The following CEP295 variants were observed in gnomAD, a reference collection of about 807,000 sequenced individuals.
CEP295 encodes the protein centrosomal protein 295.
Under a neutral mutation model 291.6 loss-of-function variants are expected in CEP295, and 190 were observed. The ratio of observed to expected loss-of-function variants is 0.65; its 90% CI spans 0.58 to 0.73. CEP295 has a LOEUF of 0.73. Among genes scored for constraint, CEP295 ranks in the 30% least tolerant of loss-of-function variants. CEP295 has a pLI of 0.00. For synonymous variants in CEP295, 993 were observed against 1,038.8 expected, an observed-to-expected ratio of 0.96 and a Z score of 0.85; for missense variants, 2,863 against 2,949.4, an observed-to-expected ratio of 0.97 and a Z score of 0.68.
At chr11:93,665,688 A>G (rs1950176871) in intron 1 of CEP295, among the ~76,000 whole-genome samples, 1 of 152,238 alleles carries the variant, frequency 6.6e-6, no homozygotes, top group Non-Finnish European at 1.5e-5. Flanking sequence ...AACCTGGGCG[A>G]CAGAACGAGA....
chr11:93,727,232 T>C lies in CEP295; in HGVS notation c.6756T>C (p.Asn2252=), dbSNP rs1197697631. The C allele has an allele frequency of 1.9e-6, 3 of 1,551,620 alleles. No homozygotes were observed. The highest frequency in any genetic ancestry group is 2.4e-5 in the East Asian group (1 of 40,922). ...SDEANVFDQL[N]VQHSTPCGSN... The stretch of plus-strand genomic sequence containing the variant: ...AAGCTAATGTATTTGATCAGTTAAA[T>C]GTACAGCATAGCACTCCATGTGGTT... The change falls in exon 24 of 30, where the codon AAT becomes AAC. Residue 2252 remains asparagine, a synonymous_variant. Coordinates refer to ENST00000325212, the MANE Select transcript of CEP295 (RefSeq NM_033395.2).
intron 18 of CEP295, among the ~76,000 whole-genome samples, chr11:93,716,016 T>C (rs890667672): frequency 6.6e-6 from 1 of 152,056 alleles, no homozygotes; most frequent in Non-Finnish European, 1.5e-5. Context: ...ATGTGACCCC[T>C]CCAAGTCTAC....
chr11:93,665,199 A>G (rs1170494191), intron 1 of CEP295, among the ~76,000 whole-genome samples: 1 of 152,252 alleles, frequency 6.6e-6, no homozygotes, highest in African/African-American at 2.4e-5. Flanking sequence ...ATTGTCTCAG[A>G]TAAAATGCTC....
rs1694653010 is a variant in CEP295 at position 93,697,016 on chromosome 11, C to T, written c.2104C>T (p.Gln702Ter). ...ACGCGCTTCAGATATTTTAACCAATCAAGCTTTAGAATCACAAGAACATCT... is the reference window on the plus strand; with the variant it reads ...ACGCGCTTCAGATATTTTAACCAATTAAGCTTTAGAATCACAAGAACATCT... ...TLRASDILTN[Q>*]ALESQEHLRQ... The change falls in exon 15 of 30, where the codon CAA (glutamine) becomes TAA (stop). Residue 702 changes from glutamine to a stop codon, truncating the protein, a stop_gained. Coordinates refer to ENST00000325212, the MANE Select transcript of CEP295 (RefSeq NM_033395.2). LOFTEE classifies it high-confidence loss of function. The T allele has an allele frequency of 1.9e-6, 3 of 1,551,426 alleles. No individual in the cohort carries two copies. The highest frequency in any genetic ancestry group is 2.6e-6 in the Non-Finnish European group (3 of 1,146,954).
In CEP295 at chr11:93,718,181, G is replaced by A. The variant is rs151222455; in HGVS notation, c.5750-3131G>A. Among the ~76,000 whole-genome samples the A allele has an allele frequency of 3.2e-3, 483 of 152,328 alleles. 11 individuals carry two copies. In the East Asian group the frequency reaches 0.052, roughly 17 times the overall value. On this transcript the variant is annotated intron_variant, in intron 18 of 29. Transcript: ENST00000325212. Reference sequence around the variant, plus strand: ...TCACCTTGGCCTCCCAAAGTGTTGGGATTATAGGCGTGAGCCACCACGCCT... The same window carrying A: ...TCACCTTGGCCTCCCAAAGTGTTGGAATTATAGGCGTGAGCCACCACGCCT...
Position 93,728,687 on chromosome 11 carries a change from GA to G in CEP295, c.7171del (p.Thr2391LeufsTer5). On this transcript the variant is annotated frameshift_variant, in exon 25 of 30. Coordinates refer to ENST00000325212, the MANE Select transcript of CEP295 (RefSeq NM_033395.2). LOFTEE classifies it high-confidence loss of function. ...LQSSIPVWETETGHGIMEEPE... is the reference protein window; with the variant it reads ...LQSSIPVWETXTGHGIMEEPE... ...TTTTAATTGTGGTTCACAGGAAACA[GA>G]AACTGGCCATGGTATAATGGAAGAA... 6.5e-7 allele frequency: 1 copy of G among 1,532,478 alleles called. No individual in the cohort carries two copies. Among genetic ancestry groups the G allele is most frequent in the Non-Finnish European group, 8.8e-7 (1 of 1,141,490 alleles). 94.9% of individuals were successfully genotyped at this position (1,532,478 alleles called of 1,614,324 possible). A position where few individuals can be genotyped will look rare whatever the true frequency, so the allele number is the denominator to read the frequency against.
chr11:93,692,636 T>C (rs950605822), intron 12 of CEP295, among the ~76,000 whole-genome samples: 1 of 152,026 alleles, frequency 6.6e-6, no homozygotes, highest in Admixed American at 6.6e-5. Flanking sequence ...TTTTTTTTTT[T>C]CCTAGTAGAG....
chr11:93,717,473 G>C (rs1953353290), intron 18 of CEP295, among the ~76,000 whole-genome samples: 1 of 152,152 alleles, frequency 6.6e-6, no homozygotes, highest in South Asian at 2.1e-4. Context: ...CTTGTTTTAG[G>C]GGATTGGGAG....
At chr11:93,729,401 A>T in intron 25 of CEP295, 33 bp from the exon 26 acceptor site, 1 of 1,447,894 alleles carries the variant, frequency 6.9e-7, no homozygotes, top group Non-Finnish European at 9.5e-7. Flanking sequence ...AAGCGTTTAA[A>T]AAGAGTAAAA....
At chr11:93,671,807 A>G (rs1950463198) in intron 5 of CEP295, among the ~76,000 whole-genome samples, 1 of 152,152 alleles carries the variant, frequency 6.6e-6, no homozygotes, top group Non-Finnish European at 1.5e-5. Flanking sequence ...CATACACAGG[A>G]TATAGATGCA....
At chr11:93,679,078 G>C (rs1372739845) in intron 6 of CEP295, among the ~76,000 whole-genome samples, 2 of 152,040 alleles carry the variant, frequency 1.3e-5, no homozygotes, top group African/African-American at 4.8e-5. Flanking sequence ...GCTGACCTCA[G>C]GTGATCCACC....
intron 22 of CEP295, among the ~76,000 whole-genome samples, chr11:93,725,376 A>G (rs1954065843): frequency 6.6e-6 from 1 of 152,248 alleles, no homozygotes; most frequent in African/African-American, 2.4e-5. Context: ...TAAACAGTAA[A>G]GTAAATACAA....
intron 9 of CEP295, among the ~76,000 whole-genome samples, chr11:93,685,899 C>T (rs934474533): frequency 6.6e-6 from 1 of 152,010 alleles, no homozygotes; most frequent in Non-Finnish European, 1.5e-5. Flanking sequence ...TTAGCAGAGA[C>T]GGGGTTTCAC....
chr11:93,726,277 G>A (rs1954128907), intron 23 of CEP295, among the ~76,000 whole-genome samples: 1 of 152,208 alleles, frequency 6.6e-6, no homozygotes, highest in South Asian at 2.1e-4. Context: ...TGGGATTACA[G>A]GCATGTGCCA....
intron 10 of CEP295, among the ~76,000 whole-genome samples, chr11:93,689,540 C>A (rs1951412998): frequency 6.6e-6 from 1 of 152,244 alleles, no homozygotes; most frequent in African/African-American, 2.4e-5. Flanking sequence ...CATGTTTACT[C>A]AACTATCCCT....
chr11:93,693,161 C>T (rs1250654396), intron 12 of CEP295, among the ~76,000 whole-genome samples: 2 of 151,400 alleles, frequency 1.3e-5, no homozygotes, highest in Non-Finnish European at 2.9e-5. Context: ...CCTGTAGTCC[C>T]AGCTACTCAG....
intron 5 of CEP295, among the ~76,000 whole-genome samples, chr11:93,674,799 G>A (rs1002285893): frequency 5.3e-5 from 8 of 152,156 alleles, no homozygotes; most frequent in African/African-American, 1.9e-4. Context: ...TAATTTATGT[G>A]TAATCGTTAG....
chr11:93,725,277 G>C, intron 22 of CEP295, among the ~76,000 whole-genome samples: 1 of 151,318 alleles, frequency 6.6e-6, no homozygotes, highest in Non-Finnish European at 1.5e-5. Flanking sequence ...AGCTACATTA[G>C]AATTTTGTTT....
At chr11:93,717,371 C>G (rs1953345050) in intron 18 of CEP295, among the ~76,000 whole-genome samples, 1 of 152,194 alleles carries the variant, frequency 6.6e-6, no homozygotes, top group East Asian at 1.9e-4. Context: ...AGCTGAGCGT[C>G]TGACCTGTTG....
Sources: gnomAD v4.1 joint callset for allele counts (sites outside exome capture counted in the v4.1 genomes callset) on GRCh38, gnomAD v4.1.1 for gene constraint, MANE v1.5 for transcripts, NCBI Gene and HGNC (gene_info 2026-07-23, HGNC 2026-07-21) for gene names.